Variants in DNAJC6 observed in about 807,000 individuals in gnomAD.
DNAJC6 encodes DnaJ heat shock protein family (Hsp40) member C6.
Under a neutral mutation model 110.0 loss-of-function variants are expected in DNAJC6, and 34 were observed. That is an observed-to-expected ratio of 0.31 (90% CI 0.24 to 0.41). DNAJC6 has a LOEUF of 0.41. DNAJC6 is among the 10% of genes least tolerant of loss of function. DNAJC6 has a pLI of 1.00. For missense variants in DNAJC6, 1,031 were observed against 1,207.8 expected, an observed-to-expected ratio of 0.85 and a Z score of 2.17; for synonymous variants, 406 against 437.2, an observed-to-expected ratio of 0.93 and a Z score of 0.89.
At chr1:65,303,444 G>A (rs1570247024) in intron 1 of DNAJC6, among the ~76,000 whole-genome samples, 1 of 152,120 alleles carries the variant, frequency 6.6e-6, no homozygotes. Flanking sequence ...ACTTTCTTTA[G>A]TAGCATATTT....
intron 17 of DNAJC6, 51 bp from the exon 18 acceptor site, chr1:65,411,199 C>A (rs367796163): frequency 1.3e-6 from 2 of 1,568,848 alleles, no homozygotes; most frequent in Non-Finnish European, 1.7e-6. Flanking sequence ...TGGAAACCTT[C>A]TGAACTAGTA....
chr1:65,399,007 G>T, intron 14 of DNAJC6, 126 bp downstream of exon 14: 1 of 935,680 alleles, frequency 1.1e-6, no homozygotes, highest in Non-Finnish European at 1.6e-6. Flanking sequence ...TTTTCCTAAA[G>T]ATTCATATTC....
intron 1 of DNAJC6, among the ~76,000 whole-genome samples, chr1:65,273,444 C>A (rs1653570149): frequency 6.6e-6 from 1 of 152,010 alleles, no homozygotes; most frequent in Non-Finnish European, 1.5e-5. Flanking sequence ...TAAAAAATTA[C>A]AAGTATTAGT....
intron 1 of DNAJC6, among the ~76,000 whole-genome samples, chr1:65,349,299 T>C (rs1645469230): frequency 6.6e-6 from 1 of 151,832 alleles, no homozygotes; most frequent in Admixed American, 6.6e-5. Flanking sequence ...TTTTCATCTG[T>C]GTAATAACAC....
At chr1:65,270,557 A>C (rs1219715114) in intron 1 of DNAJC6, among the ~76,000 whole-genome samples, 2 of 152,178 alleles carry the variant, frequency 1.3e-5, no homozygotes, top group African/African-American at 4.8e-5. Context: ...CTGAGTATAA[A>C]TTACCCTCTT....
At chr1:65,410,069 A>G (rs1477102200) in intron 17 of DNAJC6, among the ~76,000 whole-genome samples, 1 of 152,148 alleles carries the variant, frequency 6.6e-6, no homozygotes, top group African/African-American at 2.4e-5. Flanking sequence ...AGATCAAGAG[A>G]ATTGGAATGC....
At chr1:65,302,031 G>A (rs1012429060) in intron 1 of DNAJC6, among the ~76,000 whole-genome samples, 3 of 147,942 alleles carry the variant, frequency 2.0e-5, no homozygotes, top group African/African-American at 7.5e-5. Flanking sequence ...TTACTATGTC[G>A]AGGGCTATGG....
chr1:65,397,294 C>T (rs111509045), intron 13 of DNAJC6, among the ~76,000 whole-genome samples: 17 of 139,976 alleles, frequency 1.2e-4, no homozygotes, highest in African/African-American at 4.5e-4. Context: ...GTACTTCCCC[C>T]GGGTTTCTGC....
intron 1 of DNAJC6, among the ~76,000 whole-genome samples, chr1:65,348,414 G>A (rs1645457772): frequency 6.6e-6 from 1 of 152,052 alleles, no homozygotes; most frequent in Admixed American, 6.6e-5. Flanking sequence ...GTGATTGTGG[G>A]TTTGTCCCTT....
intron 1 of DNAJC6, 75 bp downstream of exon 1, chr1:65,310,013 C>A: frequency 1.5e-6 from 2 of 1,363,892 alleles, no homozygotes; most frequent in Non-Finnish European, 1.9e-6. Flanking sequence ...CGGCCCGAGG[C>A]CCCCCCGTGG....
intron 1 of DNAJC6, among the ~76,000 whole-genome samples, chr1:65,343,793 A>G (rs1269476686): frequency 4.6e-5 from 7 of 152,124 alleles, no homozygotes; most frequent in African/African-American, 1.7e-4. Flanking sequence ...CTATGGTAAG[A>G]GTGAATCTTT....
At chr1:65,331,297 T>C (rs1296426992) in intron 1 of DNAJC6, among the ~76,000 whole-genome samples, 1 of 152,230 alleles carries the variant, frequency 6.6e-6, no homozygotes, top group African/African-American at 2.4e-5. Flanking sequence ...ATTCTCAGGA[T>C]TCTGTGAAAG....
At chr1:65,266,023 CG>C (rs1287388820) in intron 1 of DNAJC6, among the ~76,000 whole-genome samples, 2 of 152,230 alleles carry the variant, frequency 1.3e-5, no homozygotes, top group Admixed American at 6.5e-5. Context: ...CCCTTGGGCT[CG>C]GGGGCTTGGG....
intron 5 of DNAJC6, among the ~76,000 whole-genome samples, chr1:65,380,264 T>C (rs1645804795): frequency 6.6e-6 from 1 of 152,214 alleles, no homozygotes; most frequent in Non-Finnish European, 1.5e-5. Context: ...AAGGCTTCAA[T>C]AAGTGATTGA....
chr1:65,331,175 T>G (rs1260945042), intron 1 of DNAJC6, among the ~76,000 whole-genome samples: 1 of 152,194 alleles, frequency 6.6e-6, no homozygotes, highest in Non-Finnish European at 1.5e-5. Flanking sequence ...ACCATACCCC[T>G]CCTTCTTCAG....
intron 1 of DNAJC6, among the ~76,000 whole-genome samples, chr1:65,274,321 T>G (rs1034786480): frequency 9.9e-5 from 15 of 151,990 alleles, no homozygotes; most frequent in Middle Eastern, 3.2e-3. Context: ...TTTATTATTA[T>G]TATATATTTT....
chr1:65,280,829 G>T (rs1055193077), intron 1 of DNAJC6, among the ~76,000 whole-genome samples: 13 of 152,072 alleles, frequency 8.5e-5, no homozygotes, highest in African/African-American at 3.1e-4. Flanking sequence ...TTCAGACTGG[G>T]CTTTTCTGAG....
chr1:65,324,252 C>T (rs1333995028), intron 1 of DNAJC6, among the ~76,000 whole-genome samples: 2 of 152,100 alleles, frequency 1.3e-5, no homozygotes, highest in African/African-American at 4.8e-5. Context: ...TCTCAACTCA[C>T]TGCAGCCTCT....
chr1:65,404,001 T>C (rs757964799), intron 15 of DNAJC6, among the ~76,000 whole-genome samples: 3 of 152,154 alleles, frequency 2.0e-5, no homozygotes, highest in Non-Finnish European at 2.9e-5. Flanking sequence ...TTTACCAAAT[T>C]TTAAAATAAA....
Sources: allele counts gnomAD v4.1 joint callset (sites outside exome capture counted in the v4.1 genomes callset), GRCh38; gene constraint gnomAD v4.1.1; transcripts MANE v1.5; gene names NCBI Gene and HGNC (gene_info 2026-07-23, HGNC 2026-07-21).